The following RBFOX1 variants were observed in gnomAD, a reference collection of about 807,000 sequenced individuals.
RBFOX1 encodes RNA binding protein fox-1 homolog 1.
Under a neutral mutation model 57.7 loss-of-function variants are expected in RBFOX1, and 8 were observed. That is an observed-to-expected ratio of 0.14 (90% CI 0.08 to 0.25). The LOEUF (loss-of-function observed/expected upper bound fraction) is 0.25. RBFOX1 is among the 10% of genes least tolerant of loss of function. The pLI is 1.00. For missense variants in RBFOX1, 611 were observed against 548.5 expected (o/e 1.11, Z -1.14); for synonymous variants, 326 against 222.4 (o/e 1.47, Z -4.15).
intron 2 of RBFOX1, among the ~76,000 whole-genome samples, chr16:6,444,317 C>T (rs925620308): frequency 6.6e-6 from 1 of 152,024 alleles, no homozygotes; most frequent in Admixed American, 6.6e-5. Context: ...GCCAATGTTC[C>T]AAGCAGAAGG....
intron 4 of RBFOX1, among the ~76,000 whole-genome samples, chr16:7,166,909 T>A (rs2079622290): frequency 1.3e-5 from 2 of 150,670 alleles, no homozygotes; most frequent in Admixed American, 1.3e-4. Context: ...TTGCTCTCAT[T>A]TGAGTTTTTC....
chr16:7,203,956 T>C (rs765703351), intron 4 of RBFOX1, among the ~76,000 whole-genome samples: 44 of 152,258 alleles, frequency 2.9e-4, no homozygotes, highest in Non-Finnish European at 4.8e-4. Context: ...TACATAGGGC[T>C]GTACAAGCTG....
chr16:6,912,752 G>A (rs1319826958), intron 3 of RBFOX1, among the ~76,000 whole-genome samples: 1 of 151,686 alleles, frequency 6.6e-6, no homozygotes, highest in Non-Finnish European at 1.5e-5. Flanking sequence ...TGAGTAGCTG[G>A]GACTATAGGC....
intron 2 of RBFOX1, among the ~76,000 whole-genome samples, chr16:6,636,783 A>AATATAAAAT (rs1240694239): frequency 2.7e-5 from 1 of 36,634 alleles, no homozygotes; most frequent in Non-Finnish European, 5.4e-5. Flanking sequence ...TAATATATAT[A>AATATAAAAT]ATATATAATA....
At chr16:5,706,633 G>T (rs1330686656) in intron 3 of RBFOX1, among the ~76,000 whole-genome samples, 1 of 152,172 alleles carries the variant, frequency 6.6e-6, no homozygotes, top group Non-Finnish European at 1.5e-5. Flanking sequence ...ATTTTCTCCA[G>T]AGTGTCTCTC....
intron 2 of RBFOX1, among the ~76,000 whole-genome samples, chr16:5,467,907 C>T (rs1382147839): frequency 6.6e-6 from 1 of 152,120 alleles, no homozygotes; most frequent in Admixed American, 6.5e-5. Context: ...GTCAAGATAG[C>T]ATCTTTTTAT....
chr16:7,010,176 A>G (rs2093583371), intron 3 of RBFOX1, among the ~76,000 whole-genome samples: 1 of 152,276 alleles, frequency 6.6e-6, no homozygotes, highest in African/African-American at 2.4e-5. Flanking sequence ...AGCTGTGAAT[A>G]CTATGAGGGT....
chr16:7,045,020 G>A (rs1164219734), intron 3 of RBFOX1, among the ~76,000 whole-genome samples: 2 of 152,242 alleles, frequency 1.3e-5, no homozygotes, highest in East Asian at 1.9e-4. Flanking sequence ...ACTCATGATG[G>A]GATTCTGCCG....
At chr16:7,044,199 G>A (rs1280593027) in intron 3 of RBFOX1, among the ~76,000 whole-genome samples, 1 of 152,166 alleles carries the variant, frequency 6.6e-6, no homozygotes, top group Non-Finnish European at 1.5e-5. Context: ...GGGTGTGTAT[G>A]TGTGTGAGTA....
At chr16:5,281,837 T>C (rs7188721) in intron 1 of RBFOX1, among the ~76,000 whole-genome samples, 31,842 of 152,188 alleles carry the variant, frequency 0.21, 4,006 homozygotes, top group African/African-American at 0.35. Flanking sequence ...GTGAGTTTCT[T>C]GTAGATGTTG....
At chr16:6,044,488 T>A (rs1484823214) in intron 1 of RBFOX1, among the ~76,000 whole-genome samples, 8 of 143,080 alleles carry the variant, frequency 5.6e-5, no homozygotes, top group Non-Finnish European at 1.2e-4. Flanking sequence ...TGTTTTAGGT[T>A]AAAAAAAAAA....
At chr16:6,365,416 G>T (rs1350304498) in intron 2 of RBFOX1, among the ~76,000 whole-genome samples, 3 of 151,724 alleles carry the variant, frequency 2.0e-5, no homozygotes, top group African/African-American at 4.8e-5. Flanking sequence ...GGATGGATGG[G>T]TAGGTGGATG....
intron 4 of RBFOX1, among the ~76,000 whole-genome samples, chr16:7,064,892 T>C (rs2153751462): frequency 6.6e-6 from 1 of 152,334 alleles, no homozygotes; most frequent in Middle Eastern, 3.4e-3. Flanking sequence ...TGTGGTATGA[T>C]ACTCCCTCTG....
intron 1 of RBFOX1, among the ~76,000 whole-genome samples, chr16:6,090,505 G>C (rs115047983): frequency 6.6e-4 from 101 of 152,322 alleles, no homozygotes; most frequent in African/African-American, 2.3e-3. Flanking sequence ...TGGCTCCAAA[G>C]TCAGCAGGTT....
chr16:5,834,312 C>G (rs933418187), intron 3 of RBFOX1, among the ~76,000 whole-genome samples: 1 of 152,132 alleles, frequency 6.6e-6, no homozygotes, highest in Non-Finnish European at 1.5e-5. Flanking sequence ...CCCCTGGGTA[C>G]CTGTAGCTTA....
intron 3 of RBFOX1, among the ~76,000 whole-genome samples, chr16:5,831,473 T>TTTA (rs149535816): frequency 0.38 from 54,277 of 141,268 alleles, 11,465 homozygotes; most frequent in East Asian, 0.7. Flanking sequence ...TCTTTTCTCT[T>TTTA]TTATTATTAT....
At chr16:6,831,989 C>A (rs1459896394) in intron 3 of RBFOX1, among the ~76,000 whole-genome samples, 2 of 152,166 alleles carry the variant, frequency 1.3e-5, no homozygotes, top group Non-Finnish European at 2.9e-5. Flanking sequence ...TGGGAATATA[C>A]CGAATGGTAT....
At chr16:6,395,757 T>C (rs2092802992) in intron 2 of RBFOX1, among the ~76,000 whole-genome samples, 1 of 152,058 alleles carries the variant, frequency 6.6e-6, no homozygotes, top group Non-Finnish European at 1.5e-5. Context: ...CAAATATATT[T>C]CAATAAAGCT....
Position 6,277,416 on chromosome 16 carries a change from C to T in RBFOX1, c.-126-39579C>T, listed in dbSNP as rs116081102. On this transcript the variant is annotated intron_variant, in intron 1 of 15. Coordinates refer to ENST00000550418, the MANE Select transcript of RBFOX1 (RefSeq NM_018723.4). Reference sequence around the variant, plus strand: ...AGGCAGCATTGAACCGTGATCGCAGCGCTGCACCCCAGAGAGAGTGACAGA... The same window carrying T: ...AGGCAGCATTGAACCGTGATCGCAGTGCTGCACCCCAGAGAGAGTGACAGA... 8.6e-3 allele frequency among the ~76,000 whole-genome samples: 1,207 copies of T among 140,016 alleles called. 19 individuals are homozygous for T. Among genetic ancestry groups the T allele is most frequent in the African/African-American group, 0.03 (1,124 of 37,360 alleles). The allele number at this position is 140,016 out of a possible 152,430, so 91.9% of individuals were successfully genotyped here.
Sources: allele counts gnomAD v4.1 joint callset (sites outside exome capture counted in the v4.1 genomes callset), GRCh38; gene constraint gnomAD v4.1.1; transcripts MANE v1.5; gene names NCBI Gene and HGNC (gene_info 2026-07-23, HGNC 2026-07-21).